PTPRG: variants seen among roughly 807,000 people sequenced by gnomAD.
The protein encoded by PTPRG is receptor-type tyrosine-protein phosphatase gamma.
In PTPRG, 102 loss-of-function variants were observed where a neutral mutation model predicts 165.3. The observed-to-expected ratio is 0.62, with a 90% CI of 0.53 to 0.73. The LOEUF (loss-of-function observed/expected upper bound fraction) is 0.73, where lower values mean the gene tolerates loss of function less well. Among genes scored for constraint, PTPRG ranks in the 30% least tolerant of loss-of-function variants. PTPRG has a pLI of 0.00. For synonymous variants in PTPRG, 675 were observed against 669.5 expected, an observed-to-expected ratio of 1.01 and a Z score of -0.13; for missense variants, 1,866 against 1,861.4, an observed-to-expected ratio of 1.00 and a Z score of -0.05.
chr3:62,135,977 G>T (rs962367797), intron 6 of PTPRG, among the ~76,000 whole-genome samples: 1 of 152,128 alleles, frequency 6.6e-6, no homozygotes, highest in Admixed American at 6.5e-5. Flanking sequence ...GATTGTAGAC[G>T]CTGGGCAGAT....
chr3:61,922,562 G>A (rs2039104214), intron 2 of PTPRG, among the ~76,000 whole-genome samples: 1 of 152,244 alleles, frequency 6.6e-6, no homozygotes, highest in African/African-American at 2.4e-5. Context: ...AGACTCAGGA[G>A]CCTGCACTTA....
At chr3:62,097,726 T>C (rs1191546684) in intron 5 of PTPRG, among the ~76,000 whole-genome samples, 1 of 152,236 alleles carries the variant, frequency 6.6e-6, no homozygotes, top group African/African-American at 2.4e-5. Context: ...GATTTTCTTC[T>C]TCAGTCCTCT....
chr3:61,840,418 G>A (rs1575710108), intron 2 of PTPRG, among the ~76,000 whole-genome samples: 1 of 152,014 alleles, frequency 6.6e-6, no homozygotes, highest in East Asian at 1.9e-4. Flanking sequence ...TTATGATTTG[G>A]GCAAATGCAT....
chr3:62,257,683 AGT>A (rs1270315025), intron 16 of PTPRG, among the ~76,000 whole-genome samples: 2 of 152,192 alleles, frequency 1.3e-5, no homozygotes, highest in Non-Finnish European at 2.9e-5. Context: ...GGCCAGGCAC[AGT>A]GGCTCACACC....
chr3:61,752,600 A>T (rs1464389093), intron 2 of PTPRG, among the ~76,000 whole-genome samples: 1 of 151,956 alleles, frequency 6.6e-6, no homozygotes, highest in Admixed American at 6.6e-5. Flanking sequence ...AGACCTGCCA[A>T]CATGGTGAAA....
At chr3:61,684,395 G>A (rs1055684337) in intron 1 of PTPRG, among the ~76,000 whole-genome samples, 1 of 152,088 alleles carries the variant, frequency 6.6e-6, no homozygotes, top group Non-Finnish European at 1.5e-5. Context: ...TTTTTCTTTT[G>A]GCATCTTTTG....
In PTPRG at chr3:61,813,904, T is replaced by G. The variant is rs921243179; in HGVS notation, c.190+64922T>G. On this transcript the variant is annotated intron_variant, in intron 2 of 29. Coordinates refer to ENST00000474889, the MANE Select transcript of PTPRG (RefSeq NM_002841.4). ...TGAGATACTGGCTTTTTTTTTTTTT[T>G]TGGGGGGGGTTGGAGTCTCGCTCTG... Among the ~76,000 whole-genome samples, 5 of 150,448 alleles carry G rather than the reference T, an allele frequency of 3.3e-5. No homozygotes were observed. In the East Asian group the frequency reaches 5.9e-4, roughly 18 times the overall value.
At chr3:62,282,621 G>C in intron 27 of PTPRG, 106 bp from the exon 28 acceptor site, 2 of 1,097,340 alleles carry the variant, frequency 1.8e-6, no homozygotes, top group Non-Finnish European at 2.5e-6. Context: ...CAACATTGTT[G>C]AGAGTTACCT....
chr3:61,898,614 C>T (rs1023126774), intron 2 of PTPRG, among the ~76,000 whole-genome samples: 2 of 152,142 alleles, frequency 1.3e-5, no homozygotes, highest in African/African-American at 2.4e-5. Context: ...GGTTACATTG[C>T]GTTGTTTTGC....
chr3:61,661,573 C>A (rs572546785), intron 1 of PTPRG, among the ~76,000 whole-genome samples: 1 of 151,984 alleles, frequency 6.6e-6, no homozygotes, highest in Non-Finnish European at 1.5e-5. Context: ...GCTATAAATA[C>A]CAAAAAACAC....
At chr3:61,691,312 C>G (rs2030195341) in intron 1 of PTPRG, among the ~76,000 whole-genome samples, 1 of 152,116 alleles carries the variant, frequency 6.6e-6, no homozygotes, top group Non-Finnish European at 1.5e-5. Flanking sequence ...GAGGCTGATA[C>G]AAGAGGATCG....
rs1701454566 is a variant in PTPRG at position 62,078,200 on chromosome 3, G to A, written c.557G>A (p.Ser186Asn). 2 of 1,608,756 alleles carry A rather than the reference G, an allele frequency of 1.2e-6. No individual in the cohort carries two copies. The highest frequency in any genetic ancestry group is 8.5e-7 in the Non-Finnish European group (1 of 1,177,602). The change falls in exon 5 of 30, where the codon AGC becomes AAC. Residue 186 changes from serine (S) to asparagine (N), a missense_variant. This residue lies in a region of PTPRG where 408 missense variants were observed against 376.2 expected (regional missense o/e 1.08). Coordinates refer to ENST00000474889, the MANE Select transcript of PTPRG (RefSeq NM_002841.4). Reference sequence around the variant, plus strand: ...TTTTACAATCCAGATGACTTTGACAGCTTTCAAACCGCAATTTCTGAGAAC... The same window carrying A: ...TTTTACAATCCAGATGACTTTGACAACTTTCAAACCGCAATTTCTGAGAAC... ...IFFYNPDDFD[S>N]FQTAISENRI...
chr3:62,068,391 C>A (rs902327654), intron 4 of PTPRG, among the ~76,000 whole-genome samples: 2 of 152,052 alleles, frequency 1.3e-5, no homozygotes, highest in Non-Finnish European at 2.9e-5. Context: ...TCAATCTGAC[C>A]ATACTGTCAG....
intron 12 of PTPRG, among the ~76,000 whole-genome samples, chr3:62,216,538 TC>T (rs369283836): frequency 3.6e-4 from 54 of 149,704 alleles, no homozygotes; most frequent in African/African-American, 8.7e-4. Flanking sequence ...TCTTTGAGAT[TC>T]CCCCCCCTCC....
chr3:61,724,157 AG>A (rs1467401059), intron 1 of PTPRG, among the ~76,000 whole-genome samples: 1 of 148,576 alleles, frequency 6.7e-6, no homozygotes, highest in Non-Finnish European at 1.5e-5. Context: ...GGGAGGTTGC[AG>A]TGAGCTGAGA....
At position 62,065,722 on chromosome 3, in the gene PTPRG, G is replaced by A. The variant is rs558532135; in HGVS notation, c.520-12441G>A. On this transcript the variant is annotated intron_variant, in intron 4 of 29. Coordinates refer to ENST00000474889, the MANE Select transcript of PTPRG (RefSeq NM_002841.4). ...AGCTTTGTAAGGACCCTCCCAGTGG[G>A]AGAGGTCATGATACAACATCCAGAA... Among the ~76,000 whole-genome samples, 133 of 152,320 alleles carry A rather than the reference G, an allele frequency of 8.7e-4. 1 individual carries two copies. Among genetic ancestry groups the A allele is most frequent in the Non-Finnish European group, 1.7e-3 (115 of 68,030 alleles).
At chr3:62,064,721 A>ATTTTTTTTTTT (rs35605831) in intron 4 of PTPRG, among the ~76,000 whole-genome samples, 2 of 62,886 alleles carry the variant, frequency 3.2e-5, no homozygotes, top group African/African-American at 6.3e-5. Flanking sequence ...GGTTATTTGG[A>ATTTTTTTTTTT]TTTTTTTTTT....
chr3:61,570,092 G>T, intron 1 of PTPRG, among the ~76,000 whole-genome samples: 1 of 152,100 alleles, frequency 6.6e-6, no homozygotes, highest in Admixed American at 6.5e-5. Context: ...ATTCAATTTG[G>T]CTCCACTGAT....
chr3:62,263,044 A>G (rs181376235), intron 17 of PTPRG, 150 bp downstream of exon 17: 1 of 594,868 alleles, frequency 1.7e-6, no homozygotes, highest in Admixed American at 3.3e-5. Context: ...TCAACAGTGT[A>G]GAAGTTGGGA....
Sources: gnomAD v4.1 joint callset for allele counts (sites outside exome capture counted in the v4.1 genomes callset) on GRCh38, gnomAD v4.1.1 for gene constraint, gnomAD v4.1.1 regional missense constraint, MANE v1.5 for transcripts, NCBI Gene and HGNC (gene_info 2026-07-23, HGNC 2026-07-21) for gene names.